The following MAPK10 variants were observed in gnomAD, a reference collection of about 807,000 sequenced individuals.
MAPK10 encodes mitogen-activated protein kinase 10.
A neutral mutation model predicts 59.3 loss-of-function variants in MAPK10; 25 were observed. The ratio of observed to expected loss-of-function variants is 0.42; its 90% confidence interval spans 0.31 to 0.59. MAPK10 has a LOEUF of 0.59. MAPK10 is among the 20% of genes least tolerant of loss of function. MAPK10 has a pLI of 0.15. For synonymous variants in MAPK10, 190 were observed against 200.5 expected, an observed-to-expected ratio of 0.95 and a Z score of 0.44; for missense variants, 351 against 568.9, an observed-to-expected ratio of 0.62 and a Z score of 3.90.
At chr4:86,294,677 A>AG (rs1303660249) in intron 2 of MAPK10, among the ~76,000 whole-genome samples, 1 of 152,200 alleles carries the variant, frequency 6.6e-6, no homozygotes, top group Non-Finnish European at 1.5e-5. Flanking sequence ...CTAAAGCACT[A>AG]GGATAGGAAA....
At chr4:86,528,107 A>G (rs1757605293) in intron 1 of MAPK10, among the ~76,000 whole-genome samples, 1 of 152,202 alleles carries the variant, frequency 6.6e-6, no homozygotes, top group South Asian at 2.1e-4. Context: ...ACCACACAAT[A>G]TGCTCATGTA....
chr4:86,044,517 G>T (rs2042159767), intron 11 of MAPK10: 1 of 382,940 alleles, frequency 2.6e-6, no homozygotes, highest in African/African-American at 2.1e-5. Flanking sequence ...AGACGCAAAA[G>T]AAAACATTCT....
At chr4:86,379,032 G>T (rs1316940339) in intron 1 of MAPK10, among the ~76,000 whole-genome samples, 1 of 152,166 alleles carries the variant, frequency 6.6e-6, no homozygotes, top group African/African-American at 2.4e-5. Context: ...AGGAAATGTA[G>T]GTAAGTATGG....
chr4:86,238,181 C>G (rs911881634), intron 2 of MAPK10, among the ~76,000 whole-genome samples: 1 of 152,132 alleles, frequency 6.6e-6, no homozygotes, highest in Non-Finnish European at 1.5e-5. Context: ...TTTCTGAAGT[C>G]TCTGTTCTGC....
At position 86,064,270 on chromosome 4, in the gene MAPK10, T is replaced by C; in HGVS notation, c.1106A>G (p.Glu369Gly). ...INVWYDPAEV[E>G]APPPQIYDKQ... ...TAAAGGCAGCCTATTTCTTACCGCC[T>C]CCACTTCGGCTGGGTCATACCAGAC... Residue 369 changes from glutamate (E) to glycine (G), a missense_variant, in exon 11 of 14, where the codon GAG becomes GGG. Around this residue, in one of 5 missense-constraint regions of MAPK10, gnomAD observed 155 missense variants for 204.2 expected, o/e 0.76. Coordinates refer to ENST00000641462, the MANE Select transcript of MAPK10 (RefSeq NM_138982.4). 1 of 1,614,052 alleles carries C rather than the reference T, an allele frequency of 6.2e-7. No homozygotes were observed. Among genetic ancestry groups the C allele is most frequent in the Non-Finnish European group, 8.5e-7 (1 of 1,180,000 alleles).
chr4:86,463,292 G>A (rs370422852), intron 1 of MAPK10, among the ~76,000 whole-genome samples: 2 of 152,200 alleles, frequency 1.3e-5, no homozygotes, highest in East Asian at 3.9e-4. Flanking sequence ...GAGCAAGACT[G>A]TGAATGGTTT....
At chr4:86,028,826 A>T (rs761507777) in intron 13 of MAPK10, 4 of 289,152 alleles carry the variant, frequency 1.4e-5, no homozygotes, top group Non-Finnish European at 2.0e-5. Context: ...AGAATGAATG[A>T]GGGAAGAGGT....
chr4:86,408,724 G>A (rs1339945754), intron 1 of MAPK10, among the ~76,000 whole-genome samples: 2 of 151,952 alleles, frequency 1.3e-5, no homozygotes, highest in Admixed American at 1.3e-4. Flanking sequence ...TGCTCATATC[G>A]TTTCCCCACT....
intron 1 of MAPK10, among the ~76,000 whole-genome samples, chr4:86,416,340 G>A (rs1014922601): frequency 3.3e-5 from 5 of 152,222 alleles, no homozygotes; most frequent in South Asian, 4.1e-4. Flanking sequence ...TAAGCTCCCC[G>A]ACTCTGGTAT....
chr4:86,324,651 TA>T (rs1433172990), intron 2 of MAPK10, among the ~76,000 whole-genome samples: 5 of 152,202 alleles, frequency 3.3e-5, no homozygotes, highest in African/African-American at 4.8e-5. Context: ...TTAAAAAGAA[TA>T]TCTTCTATCT....
At chr4:86,451,109 G>A (rs571257053) in intron 1 of MAPK10, among the ~76,000 whole-genome samples, 1 of 152,282 alleles carries the variant, frequency 6.6e-6, no homozygotes, top group East Asian at 1.9e-4. Flanking sequence ...TTCCCCCACT[G>A]AGGATCTCAG....
At chr4:86,092,620 GAT>G (rs34886510) in intron 9 of MAPK10, among the ~76,000 whole-genome samples, 70,484 of 148,470 alleles carry the variant, frequency 0.47, 17,503 homozygotes, top group African/African-American at 0.65. Context: ...ATATATTAGT[GAT>G]ATATATATAT....
intron 11 of MAPK10, among the ~76,000 whole-genome samples, chr4:86,052,335 TC>T (rs1466074873): frequency 8.5e-5 from 13 of 152,102 alleles, no homozygotes; most frequent in Admixed American, 5.2e-4. Context: ...TGCAGTCCCC[TC>T]CCCCCATCCA....
intron 2 of MAPK10, among the ~76,000 whole-genome samples, chr4:86,202,883 T>G (rs1652669506): frequency 6.6e-6 from 1 of 151,994 alleles, no homozygotes; most frequent in Non-Finnish European, 1.5e-5. Context: ...GTAACCTTCT[T>G]GTTCTAGGAA....
At chr4:86,334,557 C>G (rs1255910911) in intron 2 of MAPK10, among the ~76,000 whole-genome samples, 4 of 152,094 alleles carry the variant, frequency 2.6e-5, no homozygotes, top group African/African-American at 9.7e-5. Flanking sequence ...TTATCCCTCT[C>G]CCTCTTACAC....
chr4:86,234,514 T>G (rs745563569), intron 2 of MAPK10, among the ~76,000 whole-genome samples: 1 of 152,094 alleles, frequency 6.6e-6, no homozygotes, highest in Non-Finnish European at 1.5e-5. Flanking sequence ...TTATCTAATC[T>G]GTGAATATCT....
At chr4:86,091,484 C>A (rs1321751071) in intron 9 of MAPK10, 1 of 149,984 alleles carries the variant, frequency 6.7e-6, no homozygotes, top group East Asian at 2.0e-4. Flanking sequence ...TAATCCCTAA[C>A]CATTCCTCTC....
At chr4:86,540,256 T>G (rs577423085) in intron 1 of MAPK10, among the ~76,000 whole-genome samples, 2 of 152,320 alleles carry the variant, frequency 1.3e-5, no homozygotes, top group South Asian at 4.1e-4. Flanking sequence ...ATCCTAGCAC[T>G]TTGGAAGGCC....
At chr4:86,479,965 C>T (rs1042432538) in intron 1 of MAPK10, among the ~76,000 whole-genome samples, 5 of 152,044 alleles carry the variant, frequency 3.3e-5, no homozygotes, top group Admixed American at 6.6e-5. Flanking sequence ...TGAGAAACAT[C>T]GCCCATTATC....
Sources: allele counts gnomAD v4.1 joint callset (sites outside exome capture counted in the v4.1 genomes callset), GRCh38; gene constraint gnomAD v4.1.1; regional missense constraint gnomAD v4.1.1; transcripts MANE v1.5; gene names NCBI Gene and HGNC (gene_info 2026-07-23, HGNC 2026-07-21).